The following SLC26A7 variants were observed in gnomAD, a reference collection of about 807,000 sequenced individuals.
SLC26A7 encodes the protein solute carrier family 26 member 7, also known as anion exchange transporter.
A neutral mutation model predicts 82.5 loss-of-function variants in SLC26A7; 59 were observed. That is an observed-to-expected ratio of 0.72 (90% CI 0.58 to 0.89). The LOEUF is 0.89. SLC26A7 is among the 40% of genes least tolerant of loss of function. SLC26A7 has a pLI of 0.00. For missense variants in SLC26A7, 820 were observed against 793.0 expected (o/e 1.03, Z -0.41); for synonymous variants, 271 against 274.3 (o/e 0.99, Z 0.12).
chr8:91,270,231 T>G (rs962253628), intron 2 of SLC26A7, among the ~76,000 whole-genome samples: 10 of 152,186 alleles, frequency 6.6e-5, no homozygotes, highest in African/African-American at 2.4e-4. Flanking sequence ...TCTTTGGTGG[T>G]ACTAGACCTT....
intron 2 of SLC26A7, among the ~76,000 whole-genome samples, chr8:91,222,077 AG>A (rs1458503107): frequency 2.0e-5 from 3 of 152,050 alleles, no homozygotes; most frequent in African/African-American, 7.2e-5. Context: ...CTCCTTGAAG[AG>A]GGCTTTCATG....
chr8:91,369,882 T>C, intron 15 of SLC26A7, 49 bp downstream of exon 15: 1 of 1,418,882 alleles, frequency 7.0e-7, no homozygotes, highest in Non-Finnish European at 9.8e-7. Context: ...ACCTTGAAGA[T>C]AGACCAGAGA....
chr8:91,256,350 TAC>T (rs1810802804), intron 2 of SLC26A7, among the ~76,000 whole-genome samples: 1 of 152,144 alleles, frequency 6.6e-6, no homozygotes, highest in African/African-American at 2.4e-5. Context: ...CACAGTTCCA[TAC>T]ACCTGGCCAG....
intron 4 of SLC26A7, among the ~76,000 whole-genome samples, chr8:91,299,772 T>A (rs1812112604): frequency 6.6e-6 from 1 of 152,174 alleles, no homozygotes; most frequent in African/African-American, 2.4e-5. Flanking sequence ...TTCTTGCATG[T>A]TTGTTTTCCT....
chr8:91,358,953 A>T (rs1813967500), intron 11 of SLC26A7, among the ~76,000 whole-genome samples: 1 of 152,164 alleles, frequency 6.6e-6, no homozygotes, highest in African/African-American at 2.4e-5. Flanking sequence ...CGGGGGAGGG[A>T]TAGAATTAGG....
intron 1 of SLC26A7, among the ~76,000 whole-genome samples, chr8:91,209,929 A>G (rs1216776988): frequency 6.6e-6 from 1 of 152,200 alleles, no homozygotes; most frequent in Non-Finnish European, 1.5e-5. Context: ...TTCTTACTAT[A>G]TGCAAGGTAC....
At chr8:91,251,273 G>A (rs1488199448) in intron 2 of SLC26A7, among the ~76,000 whole-genome samples, 1 of 151,922 alleles carries the variant, frequency 6.6e-6, no homozygotes, top group Non-Finnish European at 1.5e-5. Flanking sequence ...TTTTATTTGG[G>A]TATAGATTTT....
chr8:91,390,931 T>C lies in SLC26A7; in HGVS notation c.1776+1493T>C, dbSNP rs369173510. ...TAAACATGGTTGTTGTATATTTTTG[T>C]CCAGTTGTGTACTTCTTTGTGGAGG... On this transcript the variant is annotated intron_variant, in intron 16 of 18. Transcript: ENST00000276609. 3.9e-5 allele frequency among the ~76,000 whole-genome samples: 6 copies of C among 152,330 alleles called. No individual in the cohort carries two copies. In the East Asian group the frequency reaches 1.2e-3, roughly 29 times the overall value.
At chr8:91,293,552 G>A (rs1197272464) in intron 3 of SLC26A7, among the ~76,000 whole-genome samples, 2 of 152,164 alleles carry the variant, frequency 1.3e-5, no homozygotes, top group Admixed American at 1.3e-4. Context: ...TGTACCCATT[G>A]CTGGCAAGTC....
chr8:91,271,152 G>A (rs1234930005), intron 2 of SLC26A7, among the ~76,000 whole-genome samples: 1 of 152,094 alleles, frequency 6.6e-6, no homozygotes, highest in Non-Finnish European at 1.5e-5. Flanking sequence ...TCTCACTGGA[G>A]CCTACCCCAA....
In SLC26A7 at chr8:91,326,461, C is replaced by G. The variant is rs556944797; in HGVS notation, c.643-7834C>G. ...GTGGAACCCCTGTGCATGCACAGCC[C>G]CTGTGTCTCTGTGTCCTGATTCTTA... On this transcript the variant is annotated intron_variant, in intron 5 of 18. Transcript: ENST00000276609. Among the ~76,000 whole-genome samples the G allele has an allele frequency of 5.0e-3, 766 of 152,232 alleles. 5 individuals carry two copies. Among genetic ancestry groups the G allele is most frequent in the African/African-American group, 0.018 (730 of 41,546 alleles).
At chr8:91,312,071 C>G (rs984498983) in intron 4 of SLC26A7, among the ~76,000 whole-genome samples, 1 of 152,106 alleles carries the variant, frequency 6.6e-6, no homozygotes, top group Non-Finnish European at 1.5e-5. Context: ...CTTTTTTCAA[C>G]TTGTAAAACT....
intron 4 of SLC26A7, among the ~76,000 whole-genome samples, chr8:91,300,811 T>C (rs1178634973): frequency 6.6e-6 from 1 of 152,246 alleles, no homozygotes; most frequent in East Asian, 1.9e-4. Flanking sequence ...CAGTGGGCAT[T>C]CTTGCCCTTT....
intron 2 of SLC26A7, among the ~76,000 whole-genome samples, chr8:91,233,212 AGAG>A (rs1166236620): frequency 2.5e-4 from 38 of 152,340 alleles, no homozygotes; most frequent in African/African-American, 8.7e-4. Flanking sequence ...TAAGTGCAGA[AGAG>A]GAGAAGAGGA....
intron 2 of SLC26A7, among the ~76,000 whole-genome samples, chr8:91,266,223 T>C (rs906289039): frequency 6.6e-6 from 1 of 152,058 alleles, no homozygotes; most frequent in Admixed American, 6.6e-5. Context: ...ATTCAAGGTC[T>C]TTTATGATTC....
At chr8:91,322,405 C>T (rs1812816778) in intron 5 of SLC26A7, among the ~76,000 whole-genome samples, 1 of 152,024 alleles carries the variant, frequency 6.6e-6, no homozygotes, top group African/African-American at 2.4e-5. Flanking sequence ...GTCTTGGGAT[C>T]CTGGCTCAGA....
exon 2 of SLC26A7, chr8:91,218,897 A>G: frequency 1.3e-6 from 2 of 1,544,908 alleles, no homozygotes; most frequent in South Asian, 2.4e-5. Flanking sequence ...TAGGACTGGA[A>G]GATAAGCAAG....
At chr8:91,313,409 G>A (rs1383622499) in intron 4 of SLC26A7, among the ~76,000 whole-genome samples, 1 of 152,114 alleles carries the variant, frequency 6.6e-6, no homozygotes, top group Non-Finnish European at 1.5e-5. Flanking sequence ...AAATCAGGAA[G>A]TATGAATCCT....
In SLC26A7 at chr8:91,236,420, G is replaced by T. The variant is rs183701759; in HGVS notation, c.-33-13199G>T. 4.0e-4 allele frequency among the ~76,000 whole-genome samples: 61 copies of T among 152,178 alleles called. 1 individual carries two copies. The East Asian group carries it at 8.9e-3, about 22-fold the overall frequency. On this transcript the variant is annotated intron_variant, in intron 2 of 5. Coordinates refer to the SLC26A7 transcript ENST00000522862. ...TGGTATGTTTCTTTAATAAAAGTAGGTAAGAACAGCAGATACCCAATGCCC... is the reference window on the plus strand; with the variant it reads ...TGGTATGTTTCTTTAATAAAAGTAGTTAAGAACAGCAGATACCCAATGCCC...
Sources: allele counts gnomAD v4.1 joint callset (sites outside exome capture counted in the v4.1 genomes callset), GRCh38; gene constraint gnomAD v4.1.1; transcripts MANE v1.5; gene names NCBI Gene and HGNC (gene_info 2026-07-23, HGNC 2026-07-21).